Variants in PPFIBP2 observed in about 807,000 individuals in gnomAD.
PPFIBP2 encodes PPFIB scaffold protein 2.
PPFIBP2 carries 118 observed loss-of-function variants against 118.3 expected under a neutral mutation model. The observed-to-expected ratio is 1.00, with a 90% confidence interval of 0.86 to 1.16. PPFIBP2 has a LOEUF of 1.16. PPFIBP2 is among the 50% of genes most tolerant of loss of function. The probability of loss-of-function intolerance (pLI) is 0.00; values close to 1 mark genes in which losing one functional copy is unlikely to be tolerated. For missense variants in PPFIBP2, 1,195 were observed against 1,073.1 expected, an observed-to-expected ratio of 1.11 and a Z score of -1.59; for synonymous variants, 414 against 397.4, an observed-to-expected ratio of 1.04 and a Z score of -0.50.
chr11:7,539,051 C>G (rs1405218296), intron 1 of PPFIBP2: 1 of 152,236 alleles, frequency 6.6e-6, no homozygotes, highest in Non-Finnish European at 1.5e-5. Context: ...GCTTGTTCAC[C>G]TTCAGTGGCA....
downstream of PPFIBP2, among the ~76,000 whole-genome samples, chr11:7,657,383 G>A (rs34625711): frequency 0.23 from 34,829 of 151,996 alleles, 4,087 homozygotes; most frequent in African/African-American, 0.28. Context: ...TCTATCTCCC[G>A]TCATCTGCAA....
intron 4 of PPFIBP2, among the ~76,000 whole-genome samples, chr11:7,596,389 G>GTTT (rs58915783): frequency 2.8e-4 from 39 of 139,182 alleles, no homozygotes; most frequent in African/African-American, 1.0e-3. Flanking sequence ...GCCCGTTCTT[G>GTTT]TTTTTTTTTT....
chr11:7,573,098 C>G (rs189690607), intron 3 of PPFIBP2, among the ~76,000 whole-genome samples: 1 of 152,162 alleles, frequency 6.6e-6, no homozygotes, highest in African/African-American at 2.4e-5. Flanking sequence ...CTTTTGAAAG[C>G]GGTTTCCTAA....
chr11:7,665,281 C>T, the PPFIBP2 span: 1 of 1,165,338 alleles, frequency 8.6e-7, no homozygotes, highest in Non-Finnish European at 1.2e-6. Context: ...TGGCAAGGCA[C>T]TTTTGAAAAC....
At chr11:7,587,317 G>A (rs1439690894) in intron 3 of PPFIBP2, among the ~76,000 whole-genome samples, 1 of 152,180 alleles carries the variant, frequency 6.6e-6, no homozygotes, top group African/African-American at 2.4e-5. Context: ...AGGACTGACA[G>A]CCCTGTCTTA....
chr11:7,663,943 G>A, the PPFIBP2 span, among the ~76,000 whole-genome samples: 29,573 of 152,078 alleles, frequency 0.19, 3,120 homozygotes, highest in East Asian at 0.42. Flanking sequence ...TCTTTGACTC[G>A]GAAAGGGAAC....
At chr11:7,646,508 T>C (rs1565119758) in intron 17 of PPFIBP2, among the ~76,000 whole-genome samples, 1 of 152,228 alleles carries the variant, frequency 6.6e-6, no homozygotes, top group Non-Finnish European at 1.5e-5. Context: ...GAATATATTA[T>C]AAAGTTGTGG....
chr11:7,565,441 C>T (rs1854854246), intron 2 of PPFIBP2, 112 bp from the exon 3 acceptor site: 1 of 1,129,658 alleles, frequency 8.9e-7, no homozygotes, highest in South Asian at 1.4e-5. Flanking sequence ...CAGCTCACCC[C>T]CAGCTTCTTA....
chr11:7,660,927 A>T (rs1854877007), downstream of PPFIBP2, among the ~76,000 whole-genome samples: 3 of 151,764 alleles, frequency 2.0e-5, no homozygotes, highest in Admixed American at 6.6e-5. Context: ...TTTCTAGTTT[A>T]TTTGCGTAGA....
intron 5 of PPFIBP2, chr11:7,598,321 A>G (rs2046380052): frequency 3.7e-6 from 1 of 269,318 alleles, no homozygotes; most frequent in Non-Finnish European, 7.3e-6. Flanking sequence ...CTGTATTGTC[A>G]TCTTTACTAT....
At chr11:7,566,159 A>C (rs1253651895) in intron 3 of PPFIBP2, among the ~76,000 whole-genome samples, 1 of 152,126 alleles carries the variant, frequency 6.6e-6, no homozygotes, top group Non-Finnish European at 1.5e-5. Context: ...CAAACAAAAG[A>C]CTGGTTACCT....
chr11:7,607,627 A>C (rs554417421), intron 5 of PPFIBP2, among the ~76,000 whole-genome samples: 6 of 152,134 alleles, frequency 3.9e-5, no homozygotes, highest in African/African-American at 7.2e-5. Context: ...TTGTTGAATA[A>C]AAGAATGAAG....
chr11:7,537,413 C>T (rs1851322727), intron 1 of PPFIBP2, among the ~76,000 whole-genome samples: 1 of 152,216 alleles, frequency 6.6e-6, no homozygotes, highest in African/African-American at 2.4e-5. Flanking sequence ...GGTTTTTACA[C>T]ACAGGTGGAT....
intron 12 of PPFIBP2, 49 bp from the exon 13 acceptor site, chr11:7,634,446 A>C: frequency 2.1e-6 from 3 of 1,415,354 alleles, no homozygotes; most frequent in Non-Finnish European, 3.0e-6. Flanking sequence ...ATGAGTGATA[A>C]CATGTACCTC....
chr11:7,638,073 A>G (rs994827830), intron 14 of PPFIBP2, among the ~76,000 whole-genome samples: 2 of 152,194 alleles, frequency 1.3e-5, no homozygotes, highest in African/African-American at 4.8e-5. Context: ...ATCTTTGAAC[A>G]CTACCTTCTC....
chr11:7,626,598 C>G (rs549062980), intron 8 of PPFIBP2, among the ~76,000 whole-genome samples: 2 of 152,360 alleles, frequency 1.3e-5, no homozygotes, highest in East Asian at 3.9e-4. Context: ...AGAAATACTT[C>G]TTGAATAAGT....
chr11:7,565,163 C>G (rs1222605112), intron 2 of PPFIBP2, among the ~76,000 whole-genome samples: 1 of 152,196 alleles, frequency 6.6e-6, no homozygotes, highest in African/African-American at 2.4e-5. Context: ...TCATCCACCT[C>G]TGTATGCCTA....
At chr11:7,632,719 A>G in intron 11 of PPFIBP2, 148 bp from the exon 12 acceptor site, 1 of 617,128 alleles carries the variant, frequency 1.6e-6, no homozygotes, top group East Asian at 3.0e-5. Context: ...ATCTTGAAAG[A>G]GCAAGGCATC....
rs1231792347 is a variant in PPFIBP2 at position 7,594,925 on chromosome 11, A to AAAG, written c.372+1703_372+1704insGAA. ...GAGCGAGACTCCATCTCAAAAAAAAAAAAAAAAAAAAAGAAAAAGGAGAGT... is the reference window on the plus strand; with the variant it reads ...GAGCGAGACTCCATCTCAAAAAAAAAAAGAAAAAAAAAAAAGAAAAAGGAGAGT... On this transcript the variant is annotated intron_variant, in intron 4 of 23. Coordinates refer to ENST00000299492, the MANE Select transcript of PPFIBP2 (RefSeq NM_003621.5). Among the ~76,000 whole-genome samples the AAAG allele has an allele frequency of 1.4e-3, 211 of 151,898 alleles. 1 individual carries two copies. Among genetic ancestry groups the AAAG allele is most frequent in the African/African-American group, 4.5e-3 (187 of 41,432 alleles).
Sources: allele counts gnomAD v4.1 joint callset (sites outside exome capture counted in the v4.1 genomes callset), GRCh38; gene constraint gnomAD v4.1.1; transcripts MANE v1.5; gene names NCBI Gene and HGNC (gene_info 2026-07-23, HGNC 2026-07-21).